GALNT13: variants seen among roughly 807,000 people sequenced by gnomAD.
GALNT13 encodes the protein UDP-GalNAc:polypeptide N-acetylgalactosaminyltransferase 13.
Under a neutral mutation model 64.2 loss-of-function variants are expected in GALNT13, and 28 were observed. The observed-to-expected ratio is 0.44, with a 90% CI of 0.32 to 0.60. The LOEUF (loss-of-function observed/expected upper bound fraction) is 0.60. Ranked by LOEUF, GALNT13 falls within the 20% of genes least tolerant of loss-of-function variation. The pLI is 0.05. For synonymous variants in GALNT13, 214 were observed against 224.6 expected, an observed-to-expected ratio of 0.95 and a Z score of 0.42; for missense variants, 577 against 669.8, an observed-to-expected ratio of 0.86 and a Z score of 1.53.
chr2:153,565,526 C>G, the GALNT13 span, among the ~76,000 whole-genome samples: 1 of 151,570 alleles, frequency 6.6e-6, no homozygotes, highest in Non-Finnish European at 1.5e-5. Flanking sequence ...TAGATAAGAG[C>G]ACACTCCATC....
chr2:153,404,201 A>G, the GALNT13 span, among the ~76,000 whole-genome samples: 10 of 152,244 alleles, frequency 6.6e-5, no homozygotes, highest in South Asian at 2.1e-4. Context: ...TTTTTGAGAG[A>G]GGATTTTCTT....
At chr2:153,337,145 T>G in the GALNT13 span, among the ~76,000 whole-genome samples, 12 of 152,156 alleles carry the variant, frequency 7.9e-5, no homozygotes, top group African/African-American at 2.7e-4. Flanking sequence ...ACAGCAAGTA[T>G]TTGAAATATG....
At chr2:153,693,881 G>A in the GALNT13 span, among the ~76,000 whole-genome samples, 12 of 152,204 alleles carry the variant, frequency 7.9e-5, no homozygotes, top group East Asian at 1.9e-4. Flanking sequence ...TTGGGAGGCC[G>A]AGGTGGGCGG....
chr2:153,901,096 G>A (rs1441448284), intron 2 of GALNT13, 89 bp downstream of exon 2: 1 of 152,042 alleles, frequency 6.6e-6, no homozygotes, highest in Non-Finnish European at 1.5e-5. Flanking sequence ...TCTATTTACA[G>A]TCTTTGATAT....
chr2:153,416,479 A>G, the GALNT13 span, among the ~76,000 whole-genome samples: 44 of 152,174 alleles, frequency 2.9e-4, no homozygotes, highest in African/African-American at 1.0e-3. Context: ...CTGAATACTT[A>G]AATTTTGTCT....
intron 4 of GALNT13, among the ~76,000 whole-genome samples, chr2:154,159,387 A>C (rs1684605781): frequency 6.6e-6 from 1 of 152,048 alleles, no homozygotes; most frequent in Non-Finnish European, 1.5e-5. Context: ...CACCCACCTC[A>C]GCCTCCTAAA....
the GALNT13 span, among the ~76,000 whole-genome samples, chr2:153,774,615 A>G: frequency 1.3e-5 from 2 of 152,242 alleles, no homozygotes; most frequent in East Asian, 3.9e-4. Context: ...ACAAAGATAG[A>G]CTGGGCATGA....
At chr2:153,603,285 G>A in the GALNT13 span, among the ~76,000 whole-genome samples, 1 of 151,788 alleles carries the variant, frequency 6.6e-6, no homozygotes, top group African/African-American at 2.4e-5. Flanking sequence ...GGAACATCAT[G>A]TAACCTTGGG....
intron 4 of GALNT13, among the ~76,000 whole-genome samples, chr2:154,164,622 A>C (rs1326107972): frequency 6.6e-6 from 1 of 152,128 alleles, no homozygotes; most frequent in Non-Finnish European, 1.5e-5. Flanking sequence ...TGTTAAGTTA[A>C]AAGGTTTTTT....
chr2:153,226,805 G>A, the GALNT13 span, among the ~76,000 whole-genome samples: 1 of 152,212 alleles, frequency 6.6e-6, no homozygotes, highest in East Asian at 1.9e-4. Context: ...ATGAAGTATG[G>A]ACTTCCGTTA....
the GALNT13 span, among the ~76,000 whole-genome samples, chr2:153,783,644 C>T: frequency 6.6e-6 from 1 of 152,136 alleles, no homozygotes; most frequent in African/African-American, 2.4e-5. Flanking sequence ...TTAATAATCC[C>T]CATGTGTCAA....
At chr2:154,014,410 G>A (rs1696854888) in intron 3 of GALNT13, among the ~76,000 whole-genome samples, 1 of 151,874 alleles carries the variant, frequency 6.6e-6, no homozygotes, top group Non-Finnish European at 1.5e-5. Context: ...GTGGGTCACA[G>A]GGCTCAACAG....
chr2:154,324,699 A>T (rs1453365953), intron 9 of GALNT13, among the ~76,000 whole-genome samples: 8 of 152,102 alleles, frequency 5.3e-5, no homozygotes, highest in Non-Finnish European at 8.8e-5. Context: ...CTTGCCTCTA[A>T]ATCAGAAAAG....
At chr2:153,538,049 G>A in the GALNT13 span, among the ~76,000 whole-genome samples, 1 of 152,278 alleles carries the variant, frequency 6.6e-6, no homozygotes, top group East Asian at 1.9e-4. Context: ...GGGGGACTCA[G>A]AAGAAATGTG....
chr2:154,256,246 C>G, intron 7 of GALNT13, among the ~76,000 whole-genome samples: 1 of 146,638 alleles, frequency 6.8e-6, no homozygotes, highest in South Asian at 2.2e-4. Flanking sequence ...ACCCAAGCAC[C>G]AAAATTTAAA....
chr2:153,402,115 C>T, the GALNT13 span, among the ~76,000 whole-genome samples: 1 of 140,536 alleles, frequency 7.1e-6, no homozygotes, highest in Admixed American at 6.9e-5. Flanking sequence ...TCTTTTAGGG[C>T]AGGCGTGGTG....
At chr2:154,190,887 A>C (rs950112664) in intron 4 of GALNT13, among the ~76,000 whole-genome samples, 6 of 152,218 alleles carry the variant, frequency 3.9e-5, no homozygotes, top group African/African-American at 1.4e-4. Flanking sequence ...CTTAACAAAA[A>C]CATGTCTGAT....
chr2:153,502,350 A>G, the GALNT13 span, among the ~76,000 whole-genome samples: 1 of 152,236 alleles, frequency 6.6e-6, no homozygotes, highest in African/African-American at 2.4e-5. Context: ...TTGGTTTTCC[A>G]TTCACAAGTT....
chr2:153,573,367 A>G, the GALNT13 span, among the ~76,000 whole-genome samples: 3 of 151,878 alleles, frequency 2.0e-5, no homozygotes, highest in South Asian at 4.1e-4. Flanking sequence ...CAGGTGACAG[A>G]TCAACAGGTC....
Sources: allele counts gnomAD v4.1 joint callset (sites outside exome capture counted in the v4.1 genomes callset), GRCh38; gene constraint gnomAD v4.1.1; transcripts MANE v1.5; gene names NCBI Gene and HGNC (gene_info 2026-07-23, HGNC 2026-07-21).